Variants in FANCI observed in about 807,000 individuals in gnomAD.
FANCI encodes FA complementation group I, also known as Fanconi anemia group I protein.
In FANCI, 156 loss-of-function variants were observed where a neutral mutation model predicts 176.1. The ratio of observed to expected loss-of-function variants is 0.89; its 90% CI spans 0.78 to 1.01. The LOEUF is 1.01. FANCI is among the 50% of genes least tolerant of loss of function. The pLI is 0.00. For missense variants in FANCI, 1,678 were observed against 1,534.1 expected, an observed-to-expected ratio of 1.09 and a Z score of -1.57; for synonymous variants, 613 against 541.7, an observed-to-expected ratio of 1.13 and a Z score of -1.83.
At chr15:89,276,451 T>C (rs2053414721) in intron 12 of FANCI, among the ~76,000 whole-genome samples, 1 of 152,176 alleles carries the variant, frequency 6.6e-6, no homozygotes, top group South Asian at 2.1e-4. Context: ...ATAGGAATCT[T>C]TAATTTTTTT....
At chr15:89,244,416 G>A (rs1269174505) in intron 1 of FANCI, 1 of 152,270 alleles carries the variant, frequency 6.6e-6, no homozygotes, top group African/African-American at 2.4e-5. Flanking sequence ...GAACCCGGAA[G>A]GGAAGGCCGC....
rs370994989 is a variant in FANCI at position 89,286,152 on chromosome 15, C to T, written c.1821+934C>T. Among the ~76,000 whole-genome samples the T allele has an allele frequency of 3.3e-5, 5 of 152,116 alleles. No homozygotes were observed. In the East Asian group the frequency reaches 9.7e-4, roughly 29 times the overall value. On this transcript the variant is annotated intron_variant, in intron 18 of 37. Transcript: ENST00000310775. ...GGATTACAGCCATGCACCACCATGC[C>T]CAGCTGATTTTTGTATTTTTAGTAG...
rs1427712731 is a variant in FANCI at position 89,293,994 on chromosome 15, T to G, written c.2453T>G (p.Phe818Cys). 6.2e-7 allele frequency: 1 copy of G among 1,614,026 alleles called. No homozygotes were observed. The highest frequency in any genetic ancestry group is 1.3e-5 in the African/African-American group (1 of 74,922). The change falls in exon 23 of 38, where the codon TTC (phenylalanine) becomes TGC (cysteine). Residue 818 changes from phenylalanine to cysteine, a missense_variant. Transcript: ENST00000310775. ...GTGTCCAGTCTTCTCACTGCTCTTT[T>G]CAGGTAAGGTTCTGCTAGAGTGCTT... ...KFVSSLLTAL[F>C]RDSIQSHQES...
At chr15:89,271,559 C>G (rs368925192) in intron 10 of FANCI, among the ~76,000 whole-genome samples, 1 of 152,160 alleles carries the variant, frequency 6.6e-6, no homozygotes, top group Non-Finnish European at 1.5e-5. Flanking sequence ...AGTGCAATAT[C>G]ATGATCATGG....
chr15:89,300,188 A>C lies in FANCI; in HGVS notation c.2804-112A>C. 5.1e-6 allele frequency: 6 copies of C among 1,182,832 alleles called. No individual in the cohort carries two copies. In the South Asian group the frequency reaches 8.2e-5, roughly 16 times the overall value. The allele number at this position is 1,182,832 out of a possible 1,614,324, so 73.3% of individuals were successfully genotyped here. ...TATTAAGAAATCACAAAATTTTAGAAATTTAAGTCTGCCTTTAGACTTTTT... is the reference window on the plus strand; with the variant it reads ...TATTAAGAAATCACAAAATTTTAGACATTTAAGTCTGCCTTTAGACTTTTT... On this transcript the variant is annotated intron_variant, in intron 25 of 37. Transcript: ENST00000310775.
At position 89,258,553 on chromosome 15, in the gene FANCI, C is replaced by T. The variant is rs917780872; in HGVS notation, c.85-151C>T. 6.1e-5 allele frequency: 44 copies of T among 721,676 alleles called. 2 individuals carry two copies. Among genetic ancestry groups the T allele is most frequent in the African/African-American group, 5.2e-4 (30 of 57,312 alleles). 44.7% of individuals were successfully genotyped at this position (721,676 alleles called of 1,614,324 possible). ...CAATCCAGGATCATATTAAGATATA[C>T]CCTCCTCTGTCTAAAAATTATGGTG... On this transcript the variant is annotated intron_variant, in intron 2 of 37. Coordinates refer to ENST00000310775, the MANE Select transcript of FANCI (RefSeq NM_001113378.2).
intron 2 of FANCI, among the ~76,000 whole-genome samples, chr15:89,258,373 C>A (rs1382244156): frequency 6.6e-6 from 1 of 152,102 alleles, no homozygotes; most frequent in African/African-American, 2.4e-5. Flanking sequence ...AACTCTGAGT[C>A]AAATTACTAT....
At chr15:89,315,947 A>T (rs1042718726) in intron 37 of FANCI, among the ~76,000 whole-genome samples, 1 of 152,200 alleles carries the variant, frequency 6.6e-6, no homozygotes, top group Non-Finnish European at 1.5e-5. Context: ...ATAAGTAGCA[A>T]ATCAGTAGCC....
chr15:89,252,287 TGA>T (rs903917902), intron 2 of FANCI, among the ~76,000 whole-genome samples: 4 of 148,384 alleles, frequency 2.7e-5, no homozygotes, highest in Non-Finnish European at 5.9e-5. Context: ...GTAAACAAAG[TGA>T]GATTCCATCT....
At position 89,273,320 on chromosome 15, in the gene FANCI, AAAAAAAG is replaced by A. The variant is rs904774714; in HGVS notation, c.883-45_883-39del. The stretch of plus-strand genomic sequence containing the variant: ...CAATCTTTTTTTTTTTAAAAAAAAA[AAAAAAAG>A]AAAAAAGAAAATGTAAGTAAATGAC... On this transcript the variant is annotated intron_variant, in intron 10 of 37. Transcript: ENST00000310775. The A allele has an allele frequency of 3.0e-5, 28 of 921,230 alleles. 1 individual carries two copies. The African/African-American group carries it at 3.3e-4, about 11-fold the overall frequency. The allele number at this position is 921,230 out of a possible 1,614,324, so 57.1% of individuals were successfully genotyped here.
intron 28 of FANCI, among the ~76,000 whole-genome samples, chr15:89,304,537 C>T (rs1395162673): frequency 6.6e-6 from 1 of 152,312 alleles, no homozygotes; most frequent in East Asian, 1.9e-4. Flanking sequence ...CTAGAATACT[C>T]GTAATGTACT....
rs762231803 is a variant in FANCI, at chr15:89,301,405, C to A, written c.2969C>A (p.Thr990Asn). 1.2e-6 allele frequency: 2 copies of A among 1,613,756 alleles called. No individual in the cohort carries two copies. Among genetic ancestry groups the A allele is most frequent in the South Asian group, 1.1e-5 (1 of 91,082 alleles). Reference sequence around the variant, plus strand: ...GCCCTCCTGCTAGTCACGGTTCTTACCAGTTTGTCCAAGTTACTGGAGCCC... The same window carrying A: ...GCCCTCCTGCTAGTCACGGTTCTTAACAGTTTGTCCAAGTTACTGGAGCCC... ...KEALLLVTVL[T>N]SLSKLLEPSS... The change falls in exon 27 of 38, where the codon ACC becomes AAC. Residue 990 changes from threonine to asparagine, a missense_variant. Physicochemically the swap from Thr to Asn is moderately conservative, Grantham distance 65. This residue lies in a region of FANCI where 1,204 missense variants were observed against 1,077.4 expected (regional missense o/e 1.12). Coordinates refer to ENST00000310775, the MANE Select transcript of FANCI (RefSeq NM_001113378.2).
intron 9 of FANCI, among the ~76,000 whole-genome samples, chr15:89,265,434 T>C (rs1247565912): frequency 6.6e-6 from 1 of 151,900 alleles, no homozygotes; most frequent in Non-Finnish European, 1.5e-5. Context: ...CTCAAACTCC[T>C]GGCCTGAAGT....
At chr15:89,282,056 A>G (rs1274339044) in intron 16 of FANCI, 3 of 524,214 alleles carry the variant, frequency 5.7e-6, no homozygotes, top group Non-Finnish European at 1.0e-5. Flanking sequence ...TGCAATTCCC[A>G]TTTTACAGAT....
intron 13 of FANCI, among the ~76,000 whole-genome samples, chr15:89,278,338 AT>A (rs1366570404): frequency 6.6e-6 from 1 of 152,196 alleles, no homozygotes; most frequent in Non-Finnish European, 1.5e-5. Flanking sequence ...TTACATTTTA[AT>A]TTTTAGAATA....
Position 89,293,008 on chromosome 15 carries a change from G to C in FANCI, c.2236G>C (p.Val746Leu). Reference protein sequence around the residue: ...GIKNNICAFLVMGVCEVLIEY... With the variant: ...GIKNNICAFLLMGVCEVLIEY... ...AAAAAATAATATCTGTGCTTTTCTT[G>C]TGATGGGAGTTTGTGAGGTTTTAAT... Residue 746 changes from valine (V) to leucine (L), a missense_variant, in exon 22 of 38, where the codon GTG (valine) becomes CTG (leucine). Transcript: ENST00000310775. The C allele has an allele frequency of 6.2e-7, 1 of 1,614,014 alleles. No homozygotes were observed. Among genetic ancestry groups the C allele is most frequent in the Non-Finnish European group, 8.5e-7 (1 of 1,179,936 alleles).
chr15:89,248,575 A>G (rs2052092982), intron 2 of FANCI, among the ~76,000 whole-genome samples: 1 of 151,758 alleles, frequency 6.6e-6, no homozygotes, highest in South Asian at 2.1e-4. Flanking sequence ...ATTTTTTGAG[A>G]TGACTTGTTG....
chr15:89,299,401 G>A (rs982924311), intron 24 of FANCI, among the ~76,000 whole-genome samples: 1 of 152,098 alleles, frequency 6.6e-6, no homozygotes, highest in South Asian at 2.1e-4. Context: ...TAATTAATGA[G>A]GTCAGCATTA....
chr15:89,280,732 C>G (rs2053581937), intron 14 of FANCI, among the ~76,000 whole-genome samples: 1 of 152,096 alleles, frequency 6.6e-6, no homozygotes, highest in African/African-American at 2.4e-5. Flanking sequence ...CTCTTTAATT[C>G]TTTAAAAAAA....
Sources: gnomAD v4.1 joint callset for allele counts (sites outside exome capture counted in the v4.1 genomes callset) on GRCh38, gnomAD v4.1.1 for gene constraint, gnomAD v4.1.1 regional missense constraint, MANE v1.5 for transcripts, NCBI Gene and HGNC (gene_info 2026-07-23, HGNC 2026-07-21) for gene names.